The following MSH4 variants were observed in gnomAD, a reference collection of about 807,000 sequenced individuals.
MSH4 encodes mutS homolog 4.
A neutral mutation model predicts 113.7 loss-of-function variants in MSH4; 106 were observed. The observed-to-expected ratio is 0.93, with a 90% CI of 0.80 to 1.10. The LOEUF is 1.10. Among genes scored for constraint, MSH4 ranks in the 50% least tolerant of loss-of-function variants. MSH4 has a pLI of 0.00. For missense variants in MSH4, 1,061 were observed against 1,093.7 expected (o/e 0.97, Z 0.42); for synonymous variants, 368 against 380.2 (o/e 0.97, Z 0.37).
Position 75,814,923 on chromosome 1 carries a change from A to AAT in MSH4, c.700-95_700-94dup, listed in dbSNP as rs968941816. On this transcript the variant is annotated intron_variant, in intron 4 of 19. Transcript: ENST00000263187. ...TATTTAAATGTTGAAATTTTTATAC[A>AAT]ATATTTAAGCCACTTACCTAGCATG... The AAT allele has an allele frequency of 4.6e-6, 3 of 653,100 alleles. No individual in the cohort carries two copies. The African/African-American group carries it at 5.7e-5, about 12-fold the overall frequency. The allele number at this position is 653,100 out of a possible 1,614,324, so 40.5% of individuals were successfully genotyped here.
chr1:75,891,771 A>T (rs1652259811), intron 17 of MSH4, among the ~76,000 whole-genome samples: 1 of 152,234 alleles, frequency 6.6e-6, no homozygotes, highest in Non-Finnish European at 1.5e-5. Flanking sequence ...TTTATTATAT[A>T]GAATGAGAAA....
chr1:75,826,390 G>C (rs982749610), intron 7 of MSH4, among the ~76,000 whole-genome samples: 1 of 151,162 alleles, frequency 6.6e-6, no homozygotes, highest in African/African-American at 2.4e-5. Flanking sequence ...GGTCTATTTT[G>C]TTAATCTTTT....
intron 7 of MSH4, among the ~76,000 whole-genome samples, chr1:75,827,373 C>G (rs1056900811): frequency 1.3e-5 from 2 of 152,134 alleles, no homozygotes; most frequent in African/African-American, 4.8e-5. Flanking sequence ...GTACCAGCCA[C>G]TGTAAAAATA....
intron 7 of MSH4, among the ~76,000 whole-genome samples, chr1:75,823,168 T>C (rs569353063): frequency 6.6e-6 from 1 of 152,340 alleles, no homozygotes; most frequent in African/African-American, 2.4e-5. Flanking sequence ...CTGCTTCTAT[T>C]GTCATATGGT....
chr1:75,885,808 C>CTATATAATGTATTAT (rs1557524326), intron 15 of MSH4, among the ~76,000 whole-genome samples: 2 of 114,934 alleles, frequency 1.7e-5, no homozygotes, highest in African/African-American at 3.4e-5. Flanking sequence ...TAATGTATTA[C>CTATATAATGTATTAT]ATATTATGTA....
At chr1:75,910,446 T>C (rs1571005748) in intron 19 of MSH4, among the ~76,000 whole-genome samples, 1 of 151,676 alleles carries the variant, frequency 6.6e-6, no homozygotes, top group Admixed American at 6.6e-5. Flanking sequence ...TTTTTTTTCT[T>C]TTTTTTGAAA....
intron 7 of MSH4, among the ~76,000 whole-genome samples, chr1:75,826,171 C>T (rs1217115318): frequency 1.3e-5 from 2 of 152,134 alleles, no homozygotes; most frequent in African/African-American, 4.8e-5. Context: ...ACAGATTCAA[C>T]TTCTTCCTGG....
chr1:75,843,852 C>T (rs542834379), intron 7 of MSH4, among the ~76,000 whole-genome samples: 1 of 151,970 alleles, frequency 6.6e-6, no homozygotes, highest in East Asian at 1.9e-4. Flanking sequence ...ACCCTTGCTG[C>T]CCAGGCTGGA....
intron 17 of MSH4, among the ~76,000 whole-genome samples, chr1:75,893,463 G>A (rs989131450): frequency 2.0e-5 from 3 of 151,992 alleles, no homozygotes; most frequent in Non-Finnish European, 4.4e-5. Context: ...ATGAACCTGG[G>A]GACATTTAGG....
At chr1:75,798,393 C>A (rs1649865257) in intron 1 of MSH4, among the ~76,000 whole-genome samples, 1 of 152,266 alleles carries the variant, frequency 6.6e-6, no homozygotes, top group South Asian at 2.1e-4. Flanking sequence ...ATGGGCATGT[C>A]ATTAAAGCTT....
At chr1:75,892,640 A>T (rs975478508) in intron 17 of MSH4, among the ~76,000 whole-genome samples, 13 of 152,176 alleles carry the variant, frequency 8.5e-5, no homozygotes, top group African/African-American at 3.1e-4. Context: ...TCCTAGTGTC[A>T]CTAGACAAAG....
Position 75,912,714 on chromosome 1 carries a change from C to T in MSH4, c.2638C>T (p.Pro880Ser), listed in dbSNP as rs747548098. 11 of 1,540,932 alleles carry T rather than the reference C, an allele frequency of 7.1e-6. No homozygotes were observed. The Admixed American group carries it at 1.9e-4, about 27-fold the overall frequency. ...ATGACAGCAAAACCAAAGGAGTACC[C>T]CTGAGATGGAAAGACAGAGAGCTGT... ...RQILQNQRST[P>S]EMERQRAVYH... Residue 880 changes from proline to serine, a missense_variant, in exon 20 of 20, where the codon CCT becomes TCT. By Grantham distance (74) the Pro-to-Ser change is moderately conservative. Transcript: ENST00000263187.
At chr1:75,824,438 T>C (rs1401558349) in intron 7 of MSH4, among the ~76,000 whole-genome samples, 1 of 152,216 alleles carries the variant, frequency 6.6e-6, no homozygotes, top group East Asian at 1.9e-4. Context: ...TTCACTCTGA[T>C]GATAGTTTCT....
At chr1:75,864,253 T>C (rs1432241358) in intron 8 of MSH4, among the ~76,000 whole-genome samples, 1 of 152,208 alleles carries the variant, frequency 6.6e-6, no homozygotes, top group Non-Finnish European at 1.5e-5. Flanking sequence ...TGCCATTATT[T>C]ATCCATTTCA....
intron 7 of MSH4, among the ~76,000 whole-genome samples, chr1:75,832,524 C>T (rs1319109484): frequency 6.6e-6 from 1 of 152,010 alleles, no homozygotes; most frequent in Non-Finnish European, 1.5e-5. Context: ...AACATCGATG[C>T]AAAAATCCTC....
At chr1:75,834,169 A>C (rs1388968157) in intron 7 of MSH4, among the ~76,000 whole-genome samples, 1 of 152,264 alleles carries the variant, frequency 6.6e-6, no homozygotes, top group Admixed American at 6.5e-5. Context: ...TCCAACAGAC[A>C]CATGAAAAAG....
intron 8 of MSH4, among the ~76,000 whole-genome samples, chr1:75,862,562 C>G (rs1371008502): frequency 6.6e-6 from 1 of 152,094 alleles, no homozygotes; most frequent in South Asian, 2.1e-4. Flanking sequence ...GATTTAGTAA[C>G]CTTTAGGGAA....
chr1:75,860,071 C>T (rs1028388363), intron 8 of MSH4, among the ~76,000 whole-genome samples: 1 of 151,950 alleles, frequency 6.6e-6, no homozygotes, highest in Admixed American at 6.6e-5. Flanking sequence ...TTATCAGAGA[C>T]TAGGATTGCA....
chr1:75,900,446 C>A (rs540657407), intron 19 of MSH4, among the ~76,000 whole-genome samples: 1 of 151,482 alleles, frequency 6.6e-6, no homozygotes, highest in African/African-American at 2.4e-5. Flanking sequence ...GGATTACAAG[C>A]GCCCACCACC....
Sources: gnomAD v4.1 joint callset for allele counts (sites outside exome capture counted in the v4.1 genomes callset) on GRCh38, gnomAD v4.1.1 for gene constraint, MANE v1.5 for transcripts, NCBI Gene and HGNC (gene_info 2026-07-23, HGNC 2026-07-21) for gene names.